Variants in MARCHF1 observed in about 807,000 individuals in gnomAD.
The protein encoded by MARCHF1 is E3 ubiquitin-protein ligase MARCHF1.
In MARCHF1, 40 loss-of-function variants were observed where a neutral mutation model predicts 54.2. The ratio of observed to expected loss-of-function variants is 0.74; its 90% CI spans 0.57 to 0.96. The LOEUF (loss-of-function observed/expected upper bound fraction) is 0.96. MARCHF1 is among the 40% of genes least tolerant of loss of function. The pLI, the probability that MARCHF1 is intolerant of heterozygous loss-of-function variation, is 0.00. For missense variants in MARCHF1, 586 were observed against 656.5 expected, an observed-to-expected ratio of 0.89 and a Z score of 1.17; for synonymous variants, 236 against 236.3, an observed-to-expected ratio of 1.00 and a Z score of 0.01.
intron 1 of MARCHF1, among the ~76,000 whole-genome samples, chr4:164,261,704 T>A (rs1157958183): frequency 6.6e-6 from 1 of 152,200 alleles, no homozygotes; most frequent in Non-Finnish European, 1.5e-5. Context: ...TGGTCTCAGT[T>A]CAAATGTCAC....
intron 4 of MARCHF1, among the ~76,000 whole-genome samples, chr4:163,732,420 T>C (rs963866575): frequency 1.3e-5 from 2 of 152,054 alleles, no homozygotes; most frequent in Admixed American, 1.3e-4. Context: ...GCCAATTATA[T>C]ATGTAATCAG....
At chr4:164,072,593 A>G (rs1453233135) in intron 2 of MARCHF1, among the ~76,000 whole-genome samples, 2 of 151,956 alleles carry the variant, frequency 1.3e-5, no homozygotes, top group Non-Finnish European at 2.9e-5. Context: ...AAAAATAGAA[A>G]CAGATAAACT....
chr4:163,632,279 C>T (rs1363187644), intron 5 of MARCHF1, among the ~76,000 whole-genome samples: 1 of 152,200 alleles, frequency 6.6e-6, no homozygotes, highest in Admixed American at 6.5e-5. Flanking sequence ...CGGTCTACAG[C>T]TCCCAGCCTG....
chr4:164,059,853 G>A (rs1754576461), intron 2 of MARCHF1, among the ~76,000 whole-genome samples: 1 of 152,020 alleles, frequency 6.6e-6, no homozygotes, highest in Non-Finnish European at 1.5e-5. Context: ...ATCTTAATAT[G>A]TTTCATAAAG....
chr4:164,041,480 A>G (rs932754245), intron 2 of MARCHF1, among the ~76,000 whole-genome samples: 6 of 152,210 alleles, frequency 3.9e-5, no homozygotes, highest in African/African-American at 1.2e-4. Context: ...ATTCCATGGT[A>G]GTGATGTGCC....
chr4:163,750,589 G>A (rs573248788), intron 4 of MARCHF1, among the ~76,000 whole-genome samples: 1 of 152,132 alleles, frequency 6.6e-6, no homozygotes, highest in African/African-American at 2.4e-5. Context: ...AGGCCCAGAT[G>A]GCTTTGCCAT....
intron 4 of MARCHF1, among the ~76,000 whole-genome samples, chr4:163,840,141 T>G (rs1004119305): frequency 4.6e-5 from 7 of 152,134 alleles, no homozygotes; most frequent in Non-Finnish European, 8.8e-5. Flanking sequence ...TGGAAAAACA[T>G]GACATCACAA....
At chr4:164,206,102 C>T (rs1392628800) in intron 1 of MARCHF1, among the ~76,000 whole-genome samples, 1 of 146,978 alleles carries the variant, frequency 6.8e-6, no homozygotes, top group Non-Finnish European at 1.5e-5. Flanking sequence ...GACATCCCAT[C>T]CCCGAGTTAT....
At chr4:164,267,724 A>G (rs1044622538) in intron 1 of MARCHF1, among the ~76,000 whole-genome samples, 1 of 152,204 alleles carries the variant, frequency 6.6e-6, no homozygotes, top group Non-Finnish European at 1.5e-5. Flanking sequence ...AGATTCTCAC[A>G]TAAGTACTAC....
intron 3 of MARCHF1, among the ~76,000 whole-genome samples, chr4:163,859,365 CTT>C (rs34227596): frequency 2.8e-4 from 36 of 130,056 alleles, no homozygotes; most frequent in East Asian, 2.2e-4. Context: ...GAGAGAAAAG[CTT>C]TTTTTTTTTT....
Position 164,184,181 on chromosome 4 carries a change from C to T in MARCHF1, c.-322-72519G>A, listed in dbSNP as rs931430749. ...TAAAGTGTAAAGCTGGTTTGCTCAACACCACAATATGAGATTTTACAACTT... is the reference window on the plus strand; with the variant it reads ...TAAAGTGTAAAGCTGGTTTGCTCAATACCACAATATGAGATTTTACAACTT... On this transcript the variant is annotated intron_variant, in intron 1 of 9. Transcript: ENST00000514618. Among the ~76,000 whole-genome samples, 4 of 152,190 alleles carry T rather than the reference C, an allele frequency of 2.6e-5. No individual in the cohort carries two copies. The East Asian group carries it at 5.8e-4, about 22-fold the overall frequency.
chr4:164,096,029 A>G (rs537319074), intron 2 of MARCHF1, among the ~76,000 whole-genome samples: 73 of 152,214 alleles, frequency 4.8e-4, no homozygotes, highest in African/African-American at 1.5e-3. Context: ...GAACTAAAAA[A>G]AGAACTACCA....
At chr4:164,224,227 T>C (rs893288180) in intron 1 of MARCHF1, among the ~76,000 whole-genome samples, 2 of 79,398 alleles carry the variant, frequency 2.5e-5, no homozygotes, top group African/African-American at 1.1e-4. Flanking sequence ...AAAGTAGACA[T>C]TTAAAATATT....
At chr4:163,887,515 C>A (rs1560804148) in intron 3 of MARCHF1, among the ~76,000 whole-genome samples, 1 of 152,120 alleles carries the variant, frequency 6.6e-6, no homozygotes, top group African/African-American at 2.4e-5. Flanking sequence ...GAGACGTAGA[C>A]TTTCAGATCC....
intron 1 of MARCHF1, among the ~76,000 whole-genome samples, chr4:164,273,052 TA>T (rs1034887334): frequency 3.3e-5 from 5 of 151,964 alleles, no homozygotes; most frequent in East Asian, 1.9e-4. Context: ...GTTAGTAAGA[TA>T]ATTTTTTTTT....
chr4:163,955,610 T>C (rs1247262442), intron 3 of MARCHF1, among the ~76,000 whole-genome samples: 1 of 152,130 alleles, frequency 6.6e-6, no homozygotes, highest in Non-Finnish European at 1.5e-5. Flanking sequence ...GTCTCACTCA[T>C]TCACTCTTCT....
At chr4:164,259,500 CG>C (rs58848860) in intron 1 of MARCHF1, among the ~76,000 whole-genome samples, 133,501 of 143,132 alleles carry the variant, frequency 0.93, 62,276 homozygotes, top group African/African-American at 0.96. Context: ...GCTGAGATCA[CG>C]GCTACTGCAC....
chr4:163,576,795 T>G (rs1740053833), intron 8 of MARCHF1, among the ~76,000 whole-genome samples: 1 of 150,846 alleles, frequency 6.6e-6, no homozygotes, highest in Non-Finnish European at 1.5e-5. Context: ...TATTATTATG[T>G]AATATCCTTC....
chr4:163,960,776 C>A (rs1752330539), intron 3 of MARCHF1, among the ~76,000 whole-genome samples: 1 of 148,306 alleles, frequency 6.7e-6, no homozygotes, highest in Admixed American at 6.8e-5. Flanking sequence ...ACCTATATAA[C>A]AAACCTTCGC....
Sources: gnomAD v4.1 joint callset for allele counts (sites outside exome capture counted in the v4.1 genomes callset) on GRCh38, gnomAD v4.1.1 for gene constraint, MANE v1.5 for transcripts, NCBI Gene and HGNC (gene_info 2026-07-23, HGNC 2026-07-21) for gene names.